CCNT2: variants seen among roughly 807,000 people sequenced by gnomAD.
CCNT2 encodes cyclin T2, also known as cyclin-T2.
In CCNT2, 18 loss-of-function variants were observed where a neutral mutation model predicts 70.0. That is an observed-to-expected ratio of 0.26 (90% confidence interval 0.18 to 0.38). The LOEUF (loss-of-function observed/expected upper bound fraction) is 0.38, where lower values mean the gene tolerates loss of function less well. Ranked by LOEUF, CCNT2 falls within the 10% of genes least tolerant of loss-of-function variation. The probability of loss-of-function intolerance (pLI) is 1.00; values close to 1 mark genes in which losing one functional copy is unlikely to be tolerated. For synonymous variants in CCNT2, 334 were observed against 313.3 expected (o/e 1.07, Z -0.70); for missense variants, 734 against 890.2 (o/e 0.82, Z 2.23).
At position 134,938,981 on chromosome 2, in the gene CCNT2, GATA is replaced by G; in HGVS notation, c.370-17_370-15del. ...ATGTTATTTTTATTTTAATCAATTT[GATA>G]ATATTTTTATCTGACAGGCTTACCT... On this transcript the variant is annotated intron_variant, in intron 3 of 8. Transcript: ENST00000264157. 6.6e-7 allele frequency: 1 copy of G among 1,511,696 alleles called. No individual in the cohort carries two copies. Among genetic ancestry groups the G allele is most frequent in the Non-Finnish European group, 9.2e-7 (1 of 1,089,076 alleles). The allele number at this position is 1,511,696 out of a possible 1,614,324, so 93.6% of individuals were successfully genotyped here.
intron 5 of CCNT2, chr2:134,943,476 A>G (rs1681717970): frequency 2.0e-6 from 2 of 985,142 alleles, no homozygotes; most frequent in Non-Finnish European, 2.4e-6. Context: ...GATTTAATGT[A>G]TTTTTCGAGG....
At chr2:134,937,046 C>T in intron 3 of CCNT2, 77 bp downstream of exon 3, 3 of 1,020,628 alleles carry the variant, frequency 2.9e-6, no homozygotes, top group Non-Finnish European at 4.4e-6. Flanking sequence ...CAAAAATACA[C>T]AGTTCAATTA....
intron 2 of CCNT2, among the ~76,000 whole-genome samples, chr2:134,929,326 C>G (rs1374632087): frequency 1.3e-5 from 2 of 152,000 alleles, no homozygotes; most frequent in Non-Finnish European, 2.9e-5. Context: ...GAGATCTGGC[C>G]AGGCATGGTG....
intron 2 of CCNT2, among the ~76,000 whole-genome samples, chr2:134,927,578 C>T (rs1680387593): frequency 6.6e-6 from 1 of 151,916 alleles, no homozygotes; most frequent in Non-Finnish European, 1.5e-5. Context: ...TTTGCATTGG[C>T]CAAGGCATGC....
chr2:134,926,231 C>T (rs1476718334), intron 2 of CCNT2, among the ~76,000 whole-genome samples: 1 of 152,108 alleles, frequency 6.6e-6, no homozygotes, highest in African/African-American at 2.4e-5. Context: ...TCTTCGGTTA[C>T]TCATTTTTGT....
intron 4 of CCNT2, among the ~76,000 whole-genome samples, chr2:134,941,558 T>A (rs1479289728): frequency 6.6e-6 from 1 of 152,166 alleles, no homozygotes; most frequent in Non-Finnish European, 1.5e-5. Context: ...AGGTCAGCTG[T>A]AAATTATTTG....
chr2:134,919,471 AGTTCTT>A (rs1055249786), intron 1 of CCNT2, among the ~76,000 whole-genome samples: 4 of 151,638 alleles, frequency 2.6e-5, no homozygotes, highest in Non-Finnish European at 5.9e-5. Context: ...AGCGTACTGG[AGTTCTT>A]TATGTTCTTG....
intron 7 of CCNT2, among the ~76,000 whole-genome samples, chr2:134,951,513 A>G (rs1682498176): frequency 6.6e-6 from 1 of 152,116 alleles, no homozygotes; most frequent in African/African-American, 2.4e-5. Context: ...AATAGTGTTG[A>G]TAGCTAGGAA....
At chr2:134,946,240 G>C in intron 6 of CCNT2, 94 bp downstream of exon 6, 1 of 1,437,984 alleles carries the variant, frequency 7.0e-7, no homozygotes, top group Non-Finnish European at 9.6e-7. Context: ...CCCTTGTTGC[G>C]ACAGGAGACT....
chr2:134,942,535 T>C, intron 4 of CCNT2, 77 bp from the exon 5 acceptor site: 1 of 899,832 alleles, frequency 1.1e-6, no homozygotes, highest in Non-Finnish European at 1.7e-6. Context: ...ATGAAGAATA[T>C]ATTATACGTT....
Position 134,942,344 on chromosome 2 carries a change from A to C in CCNT2, c.431-268A>C, listed in dbSNP as rs764412127. ...TAACAGTTGTATTTGCCAGGAATTT[A>C]ATTTGTTTTTAAGATAATCCCGAAT... is the stretch of plus-strand genomic sequence containing the variant. On this transcript the variant is annotated intron_variant, in intron 4 of 8. Transcript: ENST00000264157. Among the ~76,000 whole-genome samples, 170 of 152,212 alleles carry C rather than the reference A, an allele frequency of 1.1e-3. 1 individual carries two copies. Among genetic ancestry groups the C allele is most frequent in the Non-Finnish European group, 2.0e-3 (133 of 68,018 alleles).
intron 2 of CCNT2, among the ~76,000 whole-genome samples, chr2:134,934,139 A>G (rs1680985598): frequency 6.6e-6 from 1 of 152,254 alleles, no homozygotes; most frequent in South Asian, 2.1e-4. Flanking sequence ...TGCTAGAGTA[A>G]CAAACTCATG....
Position 134,954,718 on chromosome 2 carries a change from T to C in CCNT2, c.*70T>C. On this transcript the variant is annotated 3_prime_UTR_variant, in exon 9 of 9. Transcript: ENST00000264157. ...ATTGTTAGAATGGAAAAATTCCTTC[T>C]GATCTAGCAGTGGTAACCCCTGCTG... 2 of 1,047,650 alleles carry C rather than the reference T, an allele frequency of 1.9e-6. No homozygotes were observed. The allele number at this position is 1,047,650 out of a possible 1,614,324, so 64.9% of individuals were successfully genotyped here.
At chr2:134,928,579 A>G (rs369802326) in intron 2 of CCNT2, among the ~76,000 whole-genome samples, 142 of 152,254 alleles carry the variant, frequency 9.3e-4, no homozygotes, top group African/African-American at 3.2e-3. Context: ...TGCCCAGCCT[A>G]TATTTCTATT....
intron 2 of CCNT2, among the ~76,000 whole-genome samples, chr2:134,923,112 C>A (rs527869829): frequency 6.6e-6 from 1 of 152,202 alleles, no homozygotes; most frequent in South Asian, 2.1e-4. Context: ...GAAACCCCAT[C>A]TCTACTAAAA....
Position 134,936,925 on chromosome 2 carries a change from G to A in CCNT2, c.325G>A (p.Ala109Thr), listed in dbSNP as rs746043163. 8 of 1,610,974 alleles carry A rather than the reference G, an allele frequency of 5.0e-6. No individual in the cohort carries two copies. The East Asian group carries it at 8.9e-5, about 18-fold the overall frequency. Residue 109 changes from alanine to threonine, a missense_variant, in exon 3 of 9, where the codon GCT (alanine) becomes ACT (threonine). Physicochemically the swap from Ala to Thr is moderately conservative, Grantham distance 58. This residue lies in a region of CCNT2 where 161 missense variants were observed against 303.8 expected (regional missense o/e 0.53). Coordinates refer to ENST00000264157, the MANE Select transcript of CCNT2 (RefSeq NM_058241.3). ...TGAACATGTTATCAAAGTAGCACATGCTTGTCTTCATCCTCTAGAGCCACT... is the reference window on the plus strand; with the variant it reads ...TGAACATGTTATCAAAGTAGCACATACTTGTCTTCATCCTCTAGAGCCACT... Reference protein sequence around the residue: ...KLEHVIKVAHACLHPLEPLLD... With the variant: ...KLEHVIKVAHTCLHPLEPLLD...
At chr2:134,943,593 A>T (rs1250446775) in intron 5 of CCNT2, 2 of 985,068 alleles carry the variant, frequency 2.0e-6, no homozygotes, top group Non-Finnish European at 2.4e-6. Context: ...GTTTATAAAC[A>T]GGAGTACTTT....
rs537399698 is a variant in CCNT2, at chr2:134,947,565, T to G, written c.540-171T>G. Among the ~76,000 whole-genome samples the G allele has an allele frequency of 2.0e-5, 3 of 152,324 alleles. 1 individual carries two copies. The South Asian group carries it at 6.2e-4, about 32-fold the overall frequency. The stretch of plus-strand genomic sequence containing the variant: ...GGAAATGTTCATTTTATGTAGATTT[T>G]TTAGTACTAGAATTTTATAACTTAG... On this transcript the variant is annotated intron_variant, in intron 6 of 8. Coordinates refer to ENST00000264157, the MANE Select transcript of CCNT2 (RefSeq NM_058241.3).
rs967508259 is a variant in CCNT2, at chr2:134,959,210, A to C, written c.*4562A>C. 1.5e-4 allele frequency: 23 copies of C among 152,292 alleles called. No homozygotes were observed. The highest frequency in any genetic ancestry group is 5.5e-4 in the African/African-American group (23 of 41,544). 9.4% of individuals were successfully genotyped at this position (152,292 alleles called of 1,614,324 possible). ...TTTTCTGAATGTACTCAAAACTCCC[A>C]ACAACAATTGAACAGGATGTTTGCT... On this transcript the variant is annotated 3_prime_UTR_variant, in exon 9 of 9. Coordinates refer to ENST00000264157, the MANE Select transcript of CCNT2 (RefSeq NM_058241.3).
Sources: allele counts gnomAD v4.1 joint callset (sites outside exome capture counted in the v4.1 genomes callset), GRCh38; gene constraint gnomAD v4.1.1; regional missense constraint gnomAD v4.1.1; transcripts MANE v1.5; gene names NCBI Gene and HGNC (gene_info 2026-07-23, HGNC 2026-07-21).